The following DTNB variants were observed in gnomAD, a reference collection of about 807,000 sequenced individuals.
The protein encoded by DTNB is dystrobrevin beta.
DTNB carries 63 observed loss-of-function variants against 90.7 expected under a neutral mutation model. That is an observed-to-expected ratio of 0.69 (90% CI 0.57 to 0.86). DTNB has a LOEUF of 0.86. Among genes scored for constraint, DTNB ranks in the 40% least tolerant of loss-of-function variants. The probability of loss-of-function intolerance (pLI) is 0.00; values close to 1 mark genes in which losing one functional copy is unlikely to be tolerated. For synonymous variants in DTNB, 277 were observed against 286.7 expected (o/e 0.97, Z 0.34); for missense variants, 744 against 807.1 (o/e 0.92, Z 0.95).
intron 3 of DTNB, among the ~76,000 whole-genome samples, chr2:25,632,578 G>C (rs887536692): frequency 6.6e-6 from 1 of 152,100 alleles, no homozygotes; most frequent in Non-Finnish European, 1.5e-5. Context: ...GAGTAGGACT[G>C]GTGGCTTTAT....
rs869167435 is a variant in DTNB, at chr2:25,523,897, CTT to C, written c.1001+7574_1001+7575del. Among the ~76,000 whole-genome samples the C allele has an allele frequency of 2.9e-3, 338 of 115,834 alleles. 2 individuals carry two copies. The highest frequency in any genetic ancestry group is 9.9e-3 in the African/African-American group (311 of 31,352). 76.0% of individuals were successfully genotyped at this position (115,834 alleles called of 152,430 possible). On this transcript the variant is annotated intron_variant, in intron 9 of 20. Coordinates refer to ENST00000406818, the MANE Select transcript of DTNB (RefSeq NM_021907.5). ...AATGGAAGTAACTTGGTCATCTGTA[CTT>C]TTTTTTTTTTTTTTTTTTTGAGACA...
intron 9 of DTNB, among the ~76,000 whole-genome samples, chr2:25,492,788 T>C (rs2067841689): frequency 6.6e-6 from 1 of 151,946 alleles, no homozygotes; most frequent in African/African-American, 2.4e-5. Flanking sequence ...AGACTGAGGC[T>C]GTAGTGAGCC....
chr2:25,518,938 C>A (rs1389712969), intron 9 of DTNB, among the ~76,000 whole-genome samples: 1 of 152,112 alleles, frequency 6.6e-6, no homozygotes, highest in Non-Finnish European at 1.5e-5. Flanking sequence ...ATGGCCTTCA[C>A]ATTCTAGGCT....
At chr2:25,583,017 T>G (rs1348365011) in intron 6 of DTNB, among the ~76,000 whole-genome samples, 1 of 152,054 alleles carries the variant, frequency 6.6e-6, no homozygotes, top group East Asian at 1.9e-4. Flanking sequence ...TCCCAGCACT[T>G]TGGGAGGCCA....
intron 6 of DTNB, among the ~76,000 whole-genome samples, chr2:25,591,823 G>A (rs1239746045): frequency 1.3e-5 from 2 of 152,060 alleles, no homozygotes; most frequent in African/African-American, 4.8e-5. Context: ...CACTTTGGGT[G>A]GCTGAGGCAG....
chr2:25,394,413 G>A (rs2041919648), intron 16 of DTNB, among the ~76,000 whole-genome samples: 1 of 151,894 alleles, frequency 6.6e-6, no homozygotes, highest in African/African-American at 2.4e-5. Flanking sequence ...AAACTAAATA[G>A]CTTCTGCACA....
Position 25,668,473 on chromosome 2 carries a change from A to G in DTNB, c.-2+4913T>C, listed in dbSNP as rs373935452. On this transcript the variant is annotated intron_variant, in intron 1 of 20. Transcript: ENST00000406818. ...AGTGAGCCCCTTGCAGGGTTGTAGC[A>G]TGCAGTCATGCCATGTAAATGATAC... 3.3e-5 allele frequency among the ~76,000 whole-genome samples: 5 copies of G among 152,336 alleles called. No homozygotes were observed. The East Asian group carries it at 7.7e-4, about 23-fold the overall frequency.
intron 16 of DTNB, among the ~76,000 whole-genome samples, chr2:25,412,615 C>T (rs1033825819): frequency 6.6e-6 from 1 of 152,036 alleles, no homozygotes; most frequent in African/African-American, 2.4e-5. Context: ...AGTCTTTAAG[C>T]CAGATGATCA....
At chr2:25,431,850 T>C (rs1246834242) in intron 14 of DTNB, among the ~76,000 whole-genome samples, 21 of 152,174 alleles carry the variant, frequency 1.4e-4, no homozygotes, top group Admixed American at 1.4e-3. Context: ...CTTGCAGCAG[T>C]AAACCACAGA....
At chr2:25,533,888 C>G (rs1471146049) in intron 8 of DTNB, among the ~76,000 whole-genome samples, 2 of 152,202 alleles carry the variant, frequency 1.3e-5, no homozygotes, top group Non-Finnish European at 2.9e-5. Context: ...CCTGTTTCCA[C>G]TGTTGCACTC....
chr2:25,442,255 G>A (rs1340703131), intron 12 of DTNB, among the ~76,000 whole-genome samples: 1 of 152,202 alleles, frequency 6.6e-6, no homozygotes, highest in African/African-American at 2.4e-5. Flanking sequence ...ATTGCCTTGT[G>A]CACTCTATCC....
intron 2 of DTNB, among the ~76,000 whole-genome samples, chr2:25,649,450 C>T (rs1000040739): frequency 3.3e-5 from 5 of 152,208 alleles, no homozygotes; most frequent in African/African-American, 9.6e-5. Context: ...CACGGTAGTT[C>T]ATACCTGTAA....
chr2:25,388,116 C>T, intron 17 of DTNB, 86 bp downstream of exon 17: 1 of 1,523,946 alleles, frequency 6.6e-7, no homozygotes. Context: ...GAGCACAAAA[C>T]AGAAATGGAA....
intron 1 of DTNB, among the ~76,000 whole-genome samples, chr2:25,658,552 G>A (rs2082522268): frequency 6.6e-6 from 1 of 152,156 alleles, no homozygotes; most frequent in Non-Finnish European, 1.5e-5. Context: ...TAAATAAACT[G>A]CAATACTTCA....
At chr2:25,458,920 C>T (rs2150186490) in intron 10 of DTNB, among the ~76,000 whole-genome samples, 1 of 152,270 alleles carries the variant, frequency 6.6e-6, no homozygotes, top group South Asian at 2.1e-4. Context: ...GCTGGGATTA[C>T]AGGCATGAGC....
rs1023017015 is a variant in DTNB, at chr2:25,522,889, C to T, written c.1001+8584G>A. Among the ~76,000 whole-genome samples the T allele has an allele frequency of 5.3e-5, 8 of 152,088 alleles. No homozygotes were observed. In the East Asian group the frequency reaches 9.7e-4, roughly 18 times the overall value. On this transcript the variant is annotated intron_variant, in intron 9 of 20. Transcript: ENST00000406818. Reference sequence around the variant, plus strand: ...TTAATTTTTGTATTTTTAGTAGAGACGGGGTTTCACCATATTGGTTAAGTT... The same window carrying T: ...TTAATTTTTGTATTTTTAGTAGAGATGGGGTTTCACCATATTGGTTAAGTT...
chr2:25,615,245 C>A (rs1199342916), intron 4 of DTNB, among the ~76,000 whole-genome samples: 1 of 152,202 alleles, frequency 6.6e-6, no homozygotes, highest in African/African-American at 2.4e-5. Context: ...GTGTGCTACA[C>A]TCCAGGAACT....
chr2:25,633,108 G>A (rs1198187789), intron 3 of DTNB, among the ~76,000 whole-genome samples: 1 of 152,192 alleles, frequency 6.6e-6, no homozygotes, highest in East Asian at 1.9e-4. Context: ...TCAAGATCAA[G>A]ATCACTGTAT....
chr2:25,385,359 A>T (rs1462756609), intron 18 of DTNB, among the ~76,000 whole-genome samples: 1 of 152,176 alleles, frequency 6.6e-6, no homozygotes, highest in African/African-American at 2.4e-5. Flanking sequence ...CAGTAAAAAC[A>T]TGTTGGTGAT....
Sources: allele counts gnomAD v4.1 joint callset (sites outside exome capture counted in the v4.1 genomes callset), GRCh38; gene constraint gnomAD v4.1.1; transcripts MANE v1.5; gene names NCBI Gene and HGNC (gene_info 2026-07-23, HGNC 2026-07-21).